DOCK3: variants seen among roughly 807,000 people sequenced by gnomAD.
The protein encoded by DOCK3 is dedicator of cytokinesis protein 3.
Under a neutral mutation model 265.6 loss-of-function variants are expected in DOCK3, and 60 were observed. That is an observed-to-expected ratio of 0.23 (90% CI 0.18 to 0.28). The LOEUF is 0.28. DOCK3 is among the 10% of genes least tolerant of loss of function. The pLI is 1.00. For missense variants in DOCK3, 1,981 were observed against 2,594.3 expected, an observed-to-expected ratio of 0.76 and a Z score of 5.14; for synonymous variants, 881 against 938.0, an observed-to-expected ratio of 0.94 and a Z score of 1.11.
intron 5 of DOCK3, among the ~76,000 whole-genome samples, chr3:51,056,808 A>G (rs1195898208): frequency 6.6e-6 from 1 of 152,230 alleles, no homozygotes; most frequent in Non-Finnish European, 1.5e-5. Flanking sequence ...TGTATAAAGG[A>G]ATATTCAAAA....
Position 51,228,674 on chromosome 3 carries a change from G to A in DOCK3, c.1661G>A (p.Ser554Asn), listed in dbSNP as rs2090430381. The change falls in exon 18 of 53, where the codon AGC becomes AAC. Residue 554 changes from serine (S) to asparagine (N), a missense_variant. Ser to Asn is a conservative substitution (Grantham distance 46). Around this residue, in one of 4 missense-constraint regions of DOCK3, gnomAD observed 1,357 missense variants for 1,866.8 expected, o/e 0.73. Transcript: ENST00000266037. ...TTTTGCCTACAGTGTGATGAGAATA[G>A]CACGTTTAATAACCATGCTCTGTAC... Reference protein sequence around the residue: ...ELYVYKCDENSTFNNHALYLG... With the variant: ...ELYVYKCDENNTFNNHALYLG... 6.2e-7 allele frequency: 1 copy of A among 1,613,614 alleles called. No homozygotes were observed. Among genetic ancestry groups the A allele is most frequent in the Non-Finnish European group, 8.5e-7 (1 of 1,179,734 alleles).
intron 38 of DOCK3, among the ~76,000 whole-genome samples, chr3:51,343,479 G>A (rs1283323491): frequency 1.3e-5 from 2 of 152,174 alleles, no homozygotes; most frequent in Non-Finnish European, 2.9e-5. Flanking sequence ...CTGCTCCAAG[G>A]CACTCACTCC....
chr3:50,836,078 T>TA (rs2045491948), intron 2 of DOCK3, among the ~76,000 whole-genome samples: 1 of 152,066 alleles, frequency 6.6e-6, no homozygotes, highest in African/African-American at 2.4e-5. Context: ...CACCCAAAAG[T>TA]AAAAAAATCA....
chr3:51,087,809 A>G (rs1287211502), intron 7 of DOCK3, among the ~76,000 whole-genome samples: 1 of 152,216 alleles, frequency 6.6e-6, no homozygotes, highest in African/African-American at 2.4e-5. Context: ...GTGGGAATGT[A>G]AATTAGTACA....
chr3:50,771,097 G>A (rs1044247698), intron 1 of DOCK3, among the ~76,000 whole-genome samples: 11 of 152,112 alleles, frequency 7.2e-5, no homozygotes, highest in Admixed American at 7.2e-4. Context: ...ATGGACAAAT[G>A]GGATCACATC....
chr3:50,792,350 T>C (rs2042523983), intron 2 of DOCK3, among the ~76,000 whole-genome samples: 1 of 152,146 alleles, frequency 6.6e-6, no homozygotes, highest in African/African-American at 2.4e-5. Context: ...CTTAAGGAGC[T>C]TTGGGGCTGA....
At chr3:51,113,021 TTA>T (rs1560078790) in intron 9 of DOCK3, among the ~76,000 whole-genome samples, 2 of 151,180 alleles carry the variant, frequency 1.3e-5, no homozygotes, top group Non-Finnish European at 3.0e-5. Flanking sequence ...GGATTTGAGA[TTA>T]TATCTATAAT....
In DOCK3 at chr3:51,207,699, G is replaced by T. The variant is rs550540326; in HGVS notation, c.1038-1075G>T. ...AGACCTGAAATGCTTCATACTATTG[G>T]ATGGCACATTCTATAACTCTTACTG... On this transcript the variant is annotated intron_variant, in intron 12 of 52. Coordinates refer to ENST00000266037, the MANE Select transcript of DOCK3 (RefSeq NM_004947.5). 3.0e-4 allele frequency among the ~76,000 whole-genome samples: 45 copies of T among 152,182 alleles called. No individual in the cohort carries two copies. The South Asian group carries it at 7.7e-3, about 26-fold the overall frequency.
intron 49 of DOCK3, among the ~76,000 whole-genome samples, chr3:51,368,966 C>A (rs1349723865): frequency 2.0e-5 from 3 of 152,344 alleles, no homozygotes; most frequent in Non-Finnish European, 4.4e-5. Flanking sequence ...AACAGACCTG[C>A]AGCTGAGGGT....
intron 22 of DOCK3, among the ~76,000 whole-genome samples, chr3:51,258,771 C>A (rs1309529654): frequency 6.6e-6 from 1 of 152,186 alleles, no homozygotes; most frequent in Non-Finnish European, 1.5e-5. Flanking sequence ...CCCAGCAAGC[C>A]ATCATCTTAA....
At chr3:50,861,068 G>A (rs2046886600) in intron 3 of DOCK3, among the ~76,000 whole-genome samples, 1 of 152,162 alleles carries the variant, frequency 6.6e-6, no homozygotes, top group East Asian at 1.9e-4. Context: ...CTCCTGATCC[G>A]AGGGTTGCAA....
intron 5 of DOCK3, among the ~76,000 whole-genome samples, chr3:51,055,856 T>C (rs1352474992): frequency 1.3e-5 from 2 of 152,184 alleles, no homozygotes; most frequent in African/African-American, 2.4e-5. Flanking sequence ...CCTGCAAATA[T>C]ATGTGTTGTA....
chr3:51,186,020 T>G (rs1003177362), intron 12 of DOCK3, among the ~76,000 whole-genome samples: 2 of 152,184 alleles, frequency 1.3e-5, no homozygotes. Context: ...GCTGAAAAGA[T>G]ACCTAAAAAT....
chr3:50,779,989 G>A (rs1468193093), intron 2 of DOCK3, among the ~76,000 whole-genome samples: 1 of 152,206 alleles, frequency 6.6e-6, no homozygotes, highest in South Asian at 2.1e-4. Context: ...GTATATGGGA[G>A]TGGAGCTCTA....
chr3:50,845,673 G>A (rs2046045643), intron 3 of DOCK3, among the ~76,000 whole-genome samples: 1 of 152,090 alleles, frequency 6.6e-6, no homozygotes, highest in Non-Finnish European at 1.5e-5. Flanking sequence ...ACCCATTACT[G>A]TCATACAGTA....
intron 5 of DOCK3, among the ~76,000 whole-genome samples, chr3:51,020,232 G>A (rs1411624666): frequency 6.7e-6 from 1 of 148,564 alleles, no homozygotes; most frequent in Non-Finnish European, 1.5e-5. Flanking sequence ...ACAATGTTGA[G>A]TTTTTTTTCA....
In DOCK3 at chr3:50,700,124, A is replaced by G. The variant is rs185013091; in HGVS notation, c.37+24824A>G. Among the ~76,000 whole-genome samples, 945 of 152,256 alleles carry G rather than the reference A, an allele frequency of 6.2e-3. 7 individuals carry two copies. The highest frequency in any genetic ancestry group is 0.01 in the Non-Finnish European group (702 of 68,014). ...TGAAACCCCCGTCTCTACTAAAAAT[A>G]TGAAATCAGCCAGATGTAGTGGTGC... On this transcript the variant is annotated intron_variant, in intron 1 of 52. Transcript: ENST00000266037.
intron 9 of DOCK3, among the ~76,000 whole-genome samples, chr3:51,137,268 AC>A (rs1414190737): frequency 6.6e-6 from 1 of 152,184 alleles, no homozygotes; most frequent in Non-Finnish European, 1.5e-5. Context: ...GTGTAGTATA[AC>A]CTTGGGGCTA....
chr3:50,841,744 T>TTTTTCTTTTTCTTTTTTTTTTTTTTG lies in DOCK3; in HGVS notation c.162+29_162+30insTTTTCTTTTTCTTTTTTTTTTTTTTG. The TTTTTCTTTTTCTTTTTTTTTTTTTTG allele has an allele frequency of 7.7e-6, 4 of 520,344 alleles. 2 individuals carry two copies. The highest frequency in any genetic ancestry group is 9.1e-5 in the South Asian group (2 of 21,870). 32.2% of individuals were successfully genotyped at this position (520,344 alleles called of 1,614,324 possible). A position where few individuals can be genotyped will look rare whatever the true frequency, so the allele number is the denominator to read the frequency against. On this transcript the variant is annotated intron_variant, in intron 3 of 52. Coordinates refer to ENST00000266037, the MANE Select transcript of DOCK3 (RefSeq NM_004947.5). ...ATGAAAAGTTTATTGTTACCTTTTCTAATGTAGGAAGGAACTACCTTGTAT... is the reference window on the plus strand; with the variant it reads ...ATGAAAAGTTTATTGTTACCTTTTCTTTTTCTTTTTCTTTTTTTTTTTTTTGAATGTAGGAAGGAACTACCTTGTAT...
Sources: gnomAD v4.1 joint callset for allele counts (sites outside exome capture counted in the v4.1 genomes callset) on GRCh38, gnomAD v4.1.1 for gene constraint, gnomAD v4.1.1 regional missense constraint, MANE v1.5 for transcripts, NCBI Gene and HGNC (gene_info 2026-07-23, HGNC 2026-07-21) for gene names.